CCSER1: variants seen among roughly 807,000 people sequenced by gnomAD.
The protein encoded by CCSER1 is coiled-coil serine rich protein 1.
CCSER1 carries 41 observed loss-of-function variants against 82.0 expected under a neutral mutation model. The observed-to-expected ratio is 0.50, with a 90% CI of 0.39 to 0.65. The LOEUF (loss-of-function observed/expected upper bound fraction) is 0.65. Among genes scored for constraint, CCSER1 ranks in the 30% least tolerant of loss-of-function variants. The pLI is 0.00. For missense variants in CCSER1, 1,119 were observed against 1,064.2 expected, an observed-to-expected ratio of 1.05 and a Z score of -0.72; for synonymous variants, 414 against 383.9, an observed-to-expected ratio of 1.08 and a Z score of -0.92.
intron 5 of CCSER1, among the ~76,000 whole-genome samples, chr4:90,500,107 G>A (rs192289916): frequency 4.6e-5 from 7 of 152,086 alleles, no homozygotes; most frequent in Non-Finnish European, 8.8e-5. Flanking sequence ...AGACCCTGGC[G>A]TTTGAAGGGC....
chr4:90,551,096 G>A (rs1777421249), intron 5 of CCSER1, among the ~76,000 whole-genome samples: 1 of 151,848 alleles, frequency 6.6e-6, no homozygotes, highest in Non-Finnish European at 1.5e-5. Context: ...ACATTACTTT[G>A]GTTACAATTA....
At chr4:91,168,440 C>T (rs1732393781) in intron 10 of CCSER1, among the ~76,000 whole-genome samples, 1 of 150,566 alleles carries the variant, frequency 6.6e-6, no homozygotes, top group Non-Finnish European at 1.5e-5. Context: ...TGCCCGGCCG[C>T]CCTGTCTGGG....
intron 6 of CCSER1, among the ~76,000 whole-genome samples, chr4:90,691,641 A>G (rs1735972437): frequency 6.6e-6 from 1 of 151,754 alleles, no homozygotes; most frequent in Non-Finnish European, 1.5e-5. Context: ...TATATATCAC[A>G]TGTATATATA....
intron 1 of CCSER1, among the ~76,000 whole-genome samples, chr4:90,259,897 G>A (rs1724003626): frequency 6.6e-6 from 1 of 152,062 alleles, no homozygotes; most frequent in Non-Finnish European, 1.5e-5. Flanking sequence ...TTGCATCTAT[G>A]TTTATCAGTG....
chr4:90,649,090 G>A (rs556915712), intron 6 of CCSER1, among the ~76,000 whole-genome samples: 215 of 152,326 alleles, frequency 1.4e-3, no homozygotes, highest in Non-Finnish European at 2.2e-3. Context: ...AAGAGGTTAA[G>A]TGAATTTTAA....
intron 10 of CCSER1, among the ~76,000 whole-genome samples, chr4:91,556,799 AT>A (rs1225372103): frequency 6.6e-6 from 1 of 151,046 alleles, no homozygotes; most frequent in African/African-American, 2.4e-5. Flanking sequence ...TAAATGCATT[AT>A]ATTAAAAGAT....
At chr4:91,126,789 TTTG>T (rs778487308) in intron 10 of CCSER1, among the ~76,000 whole-genome samples, 16 of 152,080 alleles carry the variant, frequency 1.1e-4, no homozygotes, top group Non-Finnish European at 2.4e-4. Context: ...ATATGCTACA[TTTG>T]TTGTTTACTA....
chr4:90,592,746 A>G (rs1376740563), intron 5 of CCSER1, among the ~76,000 whole-genome samples: 1 of 152,018 alleles, frequency 6.6e-6, no homozygotes, highest in Non-Finnish European at 1.5e-5. Flanking sequence ...TAAAGTTCCC[A>G]GACAGTACGT....
intron 1 of CCSER1, among the ~76,000 whole-genome samples, chr4:90,192,838 A>T (rs1288399184): frequency 1.3e-5 from 2 of 152,080 alleles, no homozygotes; most frequent in Non-Finnish European, 1.5e-5. Context: ...GAACAATTTA[A>T]TAAAGTATGC....
intron 9 of CCSER1, among the ~76,000 whole-genome samples, chr4:91,038,757 A>G (rs1343480387): frequency 6.6e-6 from 1 of 152,140 alleles, no homozygotes; most frequent in Non-Finnish European, 1.5e-5. Flanking sequence ...TATAAATTCT[A>G]TGTTCTTCAC....
intron 10 of CCSER1, among the ~76,000 whole-genome samples, chr4:91,523,765 T>G (rs1041464812): frequency 6.6e-6 from 1 of 152,160 alleles, no homozygotes; most frequent in Non-Finnish European, 1.5e-5. Flanking sequence ...CTTCTCTCTT[T>G]TCTTCTTTAT....
At chr4:90,705,091 C>G (rs1174385513) in intron 6 of CCSER1, among the ~76,000 whole-genome samples, 1 of 152,068 alleles carries the variant, frequency 6.6e-6, no homozygotes, top group Non-Finnish European at 1.5e-5. Flanking sequence ...GTTTTTTCCC[C>G]ATCTTTGTGG....
intron 10 of CCSER1, among the ~76,000 whole-genome samples, chr4:91,343,528 A>C (rs1578228439): frequency 6.6e-6 from 1 of 152,288 alleles, no homozygotes; most frequent in African/African-American, 2.4e-5. Flanking sequence ...CTATGCTATT[A>C]TTTCCAAAGT....
intron 9 of CCSER1, among the ~76,000 whole-genome samples, chr4:91,017,949 C>T (rs1401884126): frequency 2.0e-5 from 3 of 151,718 alleles, no homozygotes; most frequent in Admixed American, 6.6e-5. Context: ...CCTCAGCTTC[C>T]GGAGTGGTAT....
intron 10 of CCSER1, among the ~76,000 whole-genome samples, chr4:91,320,266 T>C (rs1289988530): frequency 5.3e-5 from 8 of 152,060 alleles, no homozygotes; most frequent in Admixed American, 5.2e-4. Flanking sequence ...AGATCTACTG[T>C]AAGAATGACT....
At chr4:91,363,315 T>C (rs1749376420) in intron 10 of CCSER1, among the ~76,000 whole-genome samples, 1 of 151,132 alleles carries the variant, frequency 6.6e-6, no homozygotes, top group South Asian at 2.1e-4. Context: ...GAATTGGAAG[T>C]AGAAGTAATC....
At chr4:90,290,605 G>A (rs1730739273) in intron 1 of CCSER1, among the ~76,000 whole-genome samples, 1 of 151,908 alleles carries the variant, frequency 6.6e-6, no homozygotes, top group South Asian at 2.1e-4. Context: ...GAGGAAATCT[G>A]TAGGACGGTA....
At chr4:90,912,328 C>T (rs1198710406) in intron 8 of CCSER1, among the ~76,000 whole-genome samples, 1 of 152,180 alleles carries the variant, frequency 6.6e-6, no homozygotes, top group Non-Finnish European at 1.5e-5. Context: ...ATTTGCTGTT[C>T]ACCAATATTC....
intron 3 of CCSER1, among the ~76,000 whole-genome samples, chr4:90,340,495 C>T (rs1741195227): frequency 1.3e-5 from 2 of 152,078 alleles, no homozygotes; most frequent in African/African-American, 4.8e-5. Context: ...TAGTTTAAAA[C>T]ATTTAAAAAT....
Sources: allele counts gnomAD v4.1 joint callset (sites outside exome capture counted in the v4.1 genomes callset), GRCh38; gene constraint gnomAD v4.1.1; transcripts MANE v1.5; gene names NCBI Gene and HGNC (gene_info 2026-07-23, HGNC 2026-07-21).